The following MACROD2 variants were observed in gnomAD, a reference collection of about 807,000 sequenced individuals.
MACROD2 encodes the protein mono-ADP ribosylhydrolase 2, also known as ADP-ribose glycohydrolase MACROD2.
A neutral mutation model predicts 70.4 loss-of-function variants in MACROD2; 36 were observed. That is an observed-to-expected ratio of 0.51 (90% CI 0.39 to 0.68). MACROD2 has a LOEUF of 0.68. MACROD2 is among the 30% of genes least tolerant of loss of function. The probability of loss-of-function intolerance (pLI) is 0.00; values close to 1 mark genes in which losing one functional copy is unlikely to be tolerated. For missense variants in MACROD2, 496 were observed against 538.4 expected, an observed-to-expected ratio of 0.92 and a Z score of 0.78; for synonymous variants, 172 against 178.8, an observed-to-expected ratio of 0.96 and a Z score of 0.30.
intron 8 of MACROD2, among the ~76,000 whole-genome samples, chr20:15,591,343 A>C (rs946169438): frequency 2.0e-5 from 3 of 152,112 alleles, no homozygotes; most frequent in African/African-American, 7.2e-5. Flanking sequence ...TGTCCAGGGA[A>C]TACTGGCTTT....
chr20:14,957,281 T>C (rs897639842), intron 5 of MACROD2, among the ~76,000 whole-genome samples: 1 of 152,190 alleles, frequency 6.6e-6, no homozygotes, highest in Non-Finnish European at 1.5e-5. Context: ...TTTAGAAACA[T>C]TGATTTTCCC....
chr20:15,796,410 G>C (rs909190978), intron 8 of MACROD2, among the ~76,000 whole-genome samples: 1 of 152,182 alleles, frequency 6.6e-6, no homozygotes, highest in African/African-American at 2.4e-5. Context: ...TTTTCCTCTT[G>C]ATGTACACAT....
At chr20:15,607,382 G>A (rs1021048063) in intron 8 of MACROD2, among the ~76,000 whole-genome samples, 1 of 152,180 alleles carries the variant, frequency 6.6e-6, no homozygotes, top group East Asian at 1.9e-4. Flanking sequence ...GAGATGCTCA[G>A]TTCTTTCCTG....
chr20:14,864,548 A>G (rs531999717), intron 5 of MACROD2, among the ~76,000 whole-genome samples: 1 of 152,192 alleles, frequency 6.6e-6, no homozygotes, highest in African/African-American at 2.4e-5. Context: ...CTATAAAAAC[A>G]TAGTTGTTAG....
At chr20:15,048,808 T>C (rs2096681242) in intron 5 of MACROD2, among the ~76,000 whole-genome samples, 1 of 152,178 alleles carries the variant, frequency 6.6e-6, no homozygotes, top group African/African-American at 2.4e-5. Context: ...CCCATCCACA[T>C]TCTCAATTAT....
chr20:14,176,966 A>G (rs1349864336), intron 3 of MACROD2, among the ~76,000 whole-genome samples: 4 of 152,218 alleles, frequency 2.6e-5, no homozygotes, highest in Non-Finnish European at 5.9e-5. Flanking sequence ...GAATTAGTTT[A>G]GTGAGAAATA....
At chr20:15,328,023 G>T (rs2077950906) in intron 6 of MACROD2, among the ~76,000 whole-genome samples, 1 of 152,010 alleles carries the variant, frequency 6.6e-6, no homozygotes, top group Non-Finnish European at 1.5e-5. Flanking sequence ...TTGATAAGTA[G>T]AATATATATT....
chr20:15,895,599 A>G (rs1189505626), intron 10 of MACROD2, among the ~76,000 whole-genome samples: 1 of 152,200 alleles, frequency 6.6e-6, no homozygotes, highest in Non-Finnish European at 1.5e-5. Context: ...TGAAAGAGAC[A>G]TGGGGTTTTC....
intron 7 of MACROD2, among the ~76,000 whole-genome samples, chr20:15,472,321 T>G (rs2046972521): frequency 6.6e-6 from 1 of 152,204 alleles, no homozygotes; most frequent in South Asian, 2.1e-4. Context: ...GCTAATCTTC[T>G]TCCTTTATTT....
intron 5 of MACROD2, among the ~76,000 whole-genome samples, chr20:15,142,684 C>T (rs1052151073): frequency 3.0e-4 from 45 of 148,898 alleles, no homozygotes; most frequent in Admixed American, 5.4e-4. Flanking sequence ...ATGACAGGCC[C>T]CGGTGTGTGA....
intron 3 of MACROD2, among the ~76,000 whole-genome samples, chr20:14,155,248 T>A (rs1191952713): frequency 6.6e-6 from 1 of 152,222 alleles, no homozygotes; most frequent in Non-Finnish European, 1.5e-5. Flanking sequence ...TATAAATGTA[T>A]ATTTGAAATT....
intron 8 of MACROD2, among the ~76,000 whole-genome samples, chr20:15,729,424 G>A (rs2050910589): frequency 6.6e-6 from 1 of 152,088 alleles, no homozygotes; most frequent in East Asian, 1.9e-4. Context: ...GTCAAGTTCA[G>A]GTCCTGAATA....
At chr20:15,809,952 G>A (rs2063803566) in intron 8 of MACROD2, among the ~76,000 whole-genome samples, 1 of 149,974 alleles carries the variant, frequency 6.7e-6, no homozygotes, top group Non-Finnish European at 1.5e-5. Context: ...CCATGTTGGT[G>A]TACTGCACCC....
intron 12 of MACROD2, among the ~76,000 whole-genome samples, chr20:15,961,839 T>G (rs919612096): frequency 6.6e-6 from 1 of 152,154 alleles, no homozygotes; most frequent in Non-Finnish European, 1.5e-5. Flanking sequence ...TTTTTAATGT[T>G]ATCAAGAGAG....
At chr20:15,543,164 T>C (rs1460227187) in intron 8 of MACROD2, among the ~76,000 whole-genome samples, 1 of 152,216 alleles carries the variant, frequency 6.6e-6, no homozygotes, top group Admixed American at 6.5e-5. Flanking sequence ...TTTAGAATGA[T>C]GATGGGAAGT....
At chr20:15,448,227 G>A (rs978717495) in intron 7 of MACROD2, among the ~76,000 whole-genome samples, 3 of 152,034 alleles carry the variant, frequency 2.0e-5, no homozygotes, top group African/African-American at 7.2e-5. Flanking sequence ...GCCCTAGAGT[G>A]GTCTTACCTT....
chr20:14,130,361 A>G (rs912305558), intron 3 of MACROD2, among the ~76,000 whole-genome samples: 3 of 152,168 alleles, frequency 2.0e-5, no homozygotes, highest in African/African-American at 7.2e-5. Context: ...AAGCCTGGCC[A>G]AGATGGTGAA....
chr20:14,032,283 C>T (rs1307985338), intron 2 of MACROD2, among the ~76,000 whole-genome samples: 3 of 151,830 alleles, frequency 2.0e-5, no homozygotes, highest in African/African-American at 7.3e-5. Flanking sequence ...ATGTTTGTTA[C>T]CCTTGTGTGT....
intron 15 of MACROD2, among the ~76,000 whole-genome samples, chr20:16,009,805 A>G (rs2066838200): frequency 6.6e-6 from 1 of 152,088 alleles, no homozygotes; most frequent in Admixed American, 6.6e-5. Context: ...AGACAGAAAC[A>G]CCGCCTCCTG....
Sources: allele counts gnomAD v4.1 joint callset (sites outside exome capture counted in the v4.1 genomes callset), GRCh38; gene constraint gnomAD v4.1.1; transcripts MANE v1.5; gene names NCBI Gene and HGNC (gene_info 2026-07-23, HGNC 2026-07-21).